Variants in HAPLN1 observed in about 807,000 individuals in gnomAD.
HAPLN1 encodes the protein hyaluronan and proteoglycan link protein 1.
Under a neutral mutation model 36.5 loss-of-function variants are expected in HAPLN1, and 13 were observed. The ratio of observed to expected loss-of-function variants is 0.36; its 90% CI spans 0.23 to 0.57. The LOEUF (loss-of-function observed/expected upper bound fraction) is 0.57. Ranked by LOEUF, HAPLN1 falls within the 20% of genes least tolerant of loss-of-function variation. HAPLN1 has a pLI of 0.83. For missense variants in HAPLN1, 407 were observed against 439.7 expected, an observed-to-expected ratio of 0.93 and a Z score of 0.66; for synonymous variants, 202 against 169.8, an observed-to-expected ratio of 1.19 and a Z score of -1.48.
Position 83,644,652 on chromosome 5 carries a change from A to T in HAPLN1, c.486T>A (p.Pro162=). The T allele has an allele frequency of 6.8e-7, 1 of 1,471,034 alleles. No individual in the cohort carries two copies. Among genetic ancestry groups the T allele is most frequent in the Non-Finnish European group, 9.0e-7 (1 of 1,107,250 alleles). The allele number at this position is 1,471,034 out of a possible 1,614,324, so 91.1% of individuals were successfully genotyped here. ...VALDLQGVVF[P]YFPRLGRYNL... ...TGTAGCGCCCCAGTCGTGGAAAGTA[A>T]GGGAATACCACACCTGTCCAAAGGA... Residue 162 remains proline (P), a synonymous_variant, in exon 4 of 5, where the codon CCT becomes CCA. Coordinates refer to ENST00000274341, the MANE Select transcript of HAPLN1 (RefSeq NM_001884.4).
intron 4 of HAPLN1, among the ~76,000 whole-genome samples, chr5:83,642,562 A>G (rs1749732181): frequency 6.6e-6 from 1 of 152,230 alleles, no homozygotes; most frequent in African/African-American, 2.4e-5. Context: ...TGTATAAAAT[A>G]TGACTTCAAC....
At position 83,641,274 on chromosome 5, in the gene HAPLN1, T is replaced by G. The variant is rs1403502692; in HGVS notation, c.*222A>C. The G allele has an allele frequency of 4.2e-6, 1 of 238,422 alleles. No individual in the cohort carries two copies. Among genetic ancestry groups the G allele is most frequent in the Non-Finnish European group, 7.8e-6 (1 of 128,100 alleles). The allele number at this position is 238,422 out of a possible 1,614,324, so 14.8% of individuals were successfully genotyped here. ...TAAACAGTTTGGCTCTAAGTCTCCT[T>G]ACATAGAGCTTCCCTTAAATTTATA... On this transcript the variant is annotated 3_prime_UTR_variant, in exon 5 of 5. Coordinates refer to ENST00000274341, the MANE Select transcript of HAPLN1 (RefSeq NM_001884.4).
chr5:83,689,880 T>C (rs533013247), intron 1 of HAPLN1, among the ~76,000 whole-genome samples: 1 of 152,296 alleles, frequency 6.6e-6, no homozygotes, highest in Admixed American at 6.5e-5. Flanking sequence ...ATTGGATTTA[T>C]ATAGAATTTT....
chr5:83,666,580 T>C (rs1750557480), intron 2 of HAPLN1, among the ~76,000 whole-genome samples: 1 of 152,146 alleles, frequency 6.6e-6, no homozygotes, highest in East Asian at 1.9e-4. Flanking sequence ...AGCATAGAAT[T>C]CAGCATTCTA....
intron 1 of HAPLN1, among the ~76,000 whole-genome samples, chr5:83,703,769 A>G (rs1461272458): frequency 6.6e-6 from 1 of 152,140 alleles, no homozygotes; most frequent in East Asian, 1.9e-4. Context: ...CTTGGAAAGC[A>G]GATTTCAGGA....
intron 1 of HAPLN1, among the ~76,000 whole-genome samples, chr5:83,679,904 T>C (rs1192415655): frequency 1.3e-5 from 2 of 152,234 alleles, no homozygotes; most frequent in South Asian, 2.1e-4. Flanking sequence ...TATGATTTAA[T>C]GTTTTCTTAC....
chr5:83,703,858 G>T (rs117718768), intron 1 of HAPLN1, among the ~76,000 whole-genome samples: 1 of 151,856 alleles, frequency 6.6e-6, no homozygotes, highest in Non-Finnish European at 1.5e-5. Context: ...TTTGGGAAAG[G>T]CCCAGAGAGG....
At chr5:83,669,129 T>C (rs1176891394) in intron 2 of HAPLN1, among the ~76,000 whole-genome samples, 1 of 152,182 alleles carries the variant, frequency 6.6e-6, no homozygotes, top group Non-Finnish European at 1.5e-5. Context: ...ACATAGTAAA[T>C]ACATTAAGGG....
At chr5:83,697,142 A>G (rs931222974) in intron 1 of HAPLN1, among the ~76,000 whole-genome samples, 1 of 152,146 alleles carries the variant, frequency 6.6e-6, no homozygotes, top group Non-Finnish European at 1.5e-5. Flanking sequence ...CAATGAATTC[A>G]ATGACTTCAA....
chr5:83,683,295 C>T (rs765486869), intron 1 of HAPLN1, among the ~76,000 whole-genome samples: 3 of 152,204 alleles, frequency 2.0e-5, no homozygotes, highest in African/African-American at 7.2e-5. Flanking sequence ...TATAAAGTTC[C>T]CCAAGGTTGT....
intron 1 of HAPLN1, 175 bp from the exon 2 acceptor site, chr5:83,673,724 C>G (rs1435221815): frequency 2.6e-5 from 14 of 529,142 alleles, no homozygotes; most frequent in Non-Finnish European, 4.6e-5. Context: ...CAGCTTTGAA[C>G]AATTCCTGCT....
At chr5:83,653,817 G>T (rs1330755957) in intron 2 of HAPLN1, among the ~76,000 whole-genome samples, 1 of 152,210 alleles carries the variant, frequency 6.6e-6, no homozygotes, top group Admixed American at 6.5e-5. Flanking sequence ...TTTCTCTGGG[G>T]TTTCCCCCTG....
intron 1 of HAPLN1, among the ~76,000 whole-genome samples, chr5:83,678,780 T>A (rs1487130675): frequency 6.6e-6 from 1 of 152,164 alleles, no homozygotes; most frequent in African/African-American, 2.4e-5. Flanking sequence ...GGAAGGGCAG[T>A]AAAAAAGTAG....
rs1280437907 is a variant in HAPLN1 at position 83,640,980 on chromosome 5, A to C, written c.*516T>G. The C allele has an allele frequency of 6.6e-6, 1 of 151,396 alleles. No individual in the cohort carries two copies. Among genetic ancestry groups the C allele is most frequent in the African/African-American group, 2.4e-5 (1 of 41,088 alleles). 9.4% of individuals were successfully genotyped at this position (151,396 alleles called of 1,614,324 possible). Reference sequence around the variant, plus strand: ...AAATATTCTGCCTATTAGAGACTTGAAATATTAACTTTTAGAAAGGTATAG... The same window carrying C: ...AAATATTCTGCCTATTAGAGACTTGCAATATTAACTTTTAGAAAGGTATAG... On this transcript the variant is annotated 3_prime_UTR_variant, in exon 5 of 5. Transcript: ENST00000274341.
At chr5:83,714,276 G>A (rs975595) in intron 1 of HAPLN1, among the ~76,000 whole-genome samples, 106,907 of 151,978 alleles carry the variant, frequency 0.7, 37,862 homozygotes, top group Non-Finnish European at 0.75. Context: ...AAATTTAATA[G>A]GCTGTGAGCA....
chr5:83,692,240 T>G (rs1580154509), intron 1 of HAPLN1, among the ~76,000 whole-genome samples: 1 of 151,870 alleles, frequency 6.6e-6, no homozygotes. Context: ...ACTGAAAACT[T>G]TCAAATTTGA....
chr5:83,699,798 A>G (rs190358190), intron 1 of HAPLN1, among the ~76,000 whole-genome samples: 34 of 152,244 alleles, frequency 2.2e-4, no homozygotes, highest in Non-Finnish European at 3.1e-4. Flanking sequence ...AATAAGCTTA[A>G]CAACCAATTA....
intron 1 of HAPLN1, among the ~76,000 whole-genome samples, chr5:83,719,920 C>A (rs1751985633): frequency 1.3e-5 from 2 of 152,200 alleles, no homozygotes; most frequent in Admixed American, 1.3e-4. Context: ...TACAGGAACA[C>A]TTTCCACCCT....
At chr5:83,692,034 A>G (rs1181221920) in intron 1 of HAPLN1, among the ~76,000 whole-genome samples, 3 of 151,924 alleles carry the variant, frequency 2.0e-5, no homozygotes, top group Admixed American at 1.3e-4. Flanking sequence ...TAAACAATTC[A>G]GGATAAAAGA....
Sources: gnomAD v4.1 joint callset for allele counts (sites outside exome capture counted in the v4.1 genomes callset) on GRCh38, gnomAD v4.1.1 for gene constraint, MANE v1.5 for transcripts, NCBI Gene and HGNC (gene_info 2026-07-23, HGNC 2026-07-21) for gene names.